Variants in EPHB2 observed in about 807,000 individuals in gnomAD.
The protein encoded by EPHB2 is EPH receptor B2, also known as ephrin type-B receptor 2.
Under a neutral mutation model 96.4 loss-of-function variants are expected in EPHB2, and 18 were observed. The observed-to-expected ratio is 0.19, with a 90% CI of 0.13 to 0.28. EPHB2 has a LOEUF of 0.28. EPHB2 is among the 10% of genes least tolerant of loss of function. The pLI, the probability that EPHB2 is intolerant of heterozygous loss-of-function variation, is 1.00. For synonymous variants in EPHB2, 506 were observed against 534.1 expected (o/e 0.95, Z 0.72); for missense variants, 989 against 1,355.4 (o/e 0.73, Z 4.25).
intron 1 of EPHB2, among the ~76,000 whole-genome samples, chr1:22,767,566 G>A (rs2817882): frequency 0.85 from 129,485 of 152,218 alleles, 55,119 homozygotes; most frequent in East Asian, 0.96. Flanking sequence ...CTGGGTGTCC[G>A]TTGCATGGGA....
rs1193957013 is a variant in EPHB2, at chr1:22,790,246, G to GC, written c.811+5171dup. Among the ~76,000 whole-genome samples, 23 of 152,276 alleles carry GC rather than the reference G, an allele frequency of 1.5e-4. No homozygotes were observed. Among genetic ancestry groups the GC allele is most frequent in the Admixed American group, 1.3e-3 (20 of 15,308 alleles). ...ATATTTGATGGGTAGAAAGGGCTTT[G>GC]CAGTGTATAGGGATTAGGACACAAT... On this transcript the variant is annotated intron_variant, in intron 3 of 15. Coordinates refer to ENST00000374630, the MANE Select transcript of EPHB2 (RefSeq NM_017449.5). The surrounding 1 kb of genome is among the most constrained non-coding windows in gnomAD (Gnocchi z 4.0).
At chr1:22,883,502 CG>C (rs1313755754) in intron 6 of EPHB2, among the ~76,000 whole-genome samples, 2 of 152,210 alleles carry the variant, frequency 1.3e-5, no homozygotes, top group African/African-American at 4.8e-5. Flanking sequence ...AAAGGCATCG[CG>C]GGGCTTCCAT....
rs374579735 is a variant in EPHB2 at position 22,760,270 on chromosome 1, A to T, written c.62-21151A>T. Among the ~76,000 whole-genome samples, 9 of 152,036 alleles carry T rather than the reference A, an allele frequency of 5.9e-5. No individual in the cohort carries two copies. In the South Asian group the frequency reaches 1.0e-3, roughly 18 times the overall value. On this transcript the variant is annotated intron_variant, in intron 1 of 15. Transcript: ENST00000374630. ...GCTCACAGAAAATGGGGCTGAGGGA[A>T]CCCCAAAAATGACCTTGTAGCCAGG...
At chr1:22,867,902 A>T (rs995021124) in intron 5 of EPHB2, among the ~76,000 whole-genome samples, 1 of 152,202 alleles carries the variant, frequency 6.6e-6, no homozygotes, top group Admixed American at 6.5e-5. Flanking sequence ...TCAACAAGTG[A>T]TAGAAAAGAC....
intron 3 of EPHB2, among the ~76,000 whole-genome samples, chr1:22,862,095 C>T (rs963402203): frequency 6.6e-6 from 1 of 152,236 alleles, no homozygotes; most frequent in Non-Finnish European, 1.5e-5. Flanking sequence ...CCCTCAGCCT[C>T]CTGATTCTCA....
rs1441290770 is a variant in EPHB2, at chr1:22,858,077, G to C, written c.812-4960G>C. 6.6e-6 allele frequency among the ~76,000 whole-genome samples: 1 copy of C among 152,200 alleles called. No homozygotes were observed. Among genetic ancestry groups the C allele is most frequent in the Non-Finnish European group, 1.5e-5 (1 of 68,038 alleles). ...GGTGGTCAGGGTGGGCCTCTCGGAG[G>C]AGGTGGCATTTAAGCTGGGGTCTGA... On this transcript the variant is annotated intron_variant, in intron 3 of 15. Coordinates refer to ENST00000374630, the MANE Select transcript of EPHB2 (RefSeq NM_017449.5). The surrounding 1 kb of genome is among the most constrained non-coding windows in gnomAD (Gnocchi z 7.7).
At chr1:22,880,276 C>T (rs529554062) in intron 5 of EPHB2, among the ~76,000 whole-genome samples, 9 of 152,340 alleles carry the variant, frequency 5.9e-5, no homozygotes, top group Admixed American at 3.3e-4. Context: ...AACCCCACAG[C>T]TGATGTTCAG....
intron 1 of EPHB2, among the ~76,000 whole-genome samples, chr1:22,736,791 C>T (rs1294520264): frequency 3.3e-5 from 5 of 152,158 alleles, no homozygotes; most frequent in Non-Finnish European, 5.9e-5. Flanking sequence ...GTGGGGCGGC[C>T]GCAGGGGGTC....
intron 5 of EPHB2, among the ~76,000 whole-genome samples, chr1:22,871,687 A>G (rs988872127): frequency 2.0e-5 from 3 of 152,188 alleles, no homozygotes; most frequent in Non-Finnish European, 4.4e-5. Flanking sequence ...AACTTAACAC[A>G]ATACACATTT....
intron 1 of EPHB2, among the ~76,000 whole-genome samples, chr1:22,738,908 T>G (rs756323068): frequency 6.6e-6 from 1 of 152,134 alleles, no homozygotes; most frequent in African/African-American, 2.4e-5. Context: ...CCCTGGGTCC[T>G]GTAGTCTAGC....
chr1:22,882,063 A>G (rs1056726752), intron 5 of EPHB2, among the ~76,000 whole-genome samples: 6 of 152,128 alleles, frequency 3.9e-5, no homozygotes, highest in Admixed American at 2.0e-4. Flanking sequence ...CATACAATTA[A>G]CCATTTCTAT....
rs777048986 is a variant in EPHB2 at position 22,912,505 on chromosome 1, G to A, written c.2758G>A (p.Glu920Lys). 1.5e-5 allele frequency: 25 copies of A among 1,614,010 alleles called. No homozygotes were observed. Among genetic ancestry groups the A allele is most frequent in the Admixed American group, 3.3e-5 (2 of 60,002 alleles). Reference sequence around the variant, plus strand: ...CTACACCAGCTTTAACACGGTGGACGAGTGGCTGGAGGCCATCAAGATGGG... The same window carrying A: ...CTACACCAGCTTTAACACGGTGGACAAGTGGCTGGAGGCCATCAAGATGGG... ...PDYTSFNTVDEWLEAIKMGQY... is the reference protein window; with the variant it reads ...PDYTSFNTVDKWLEAIKMGQY... Residue 920 changes from glutamate to lysine, a missense_variant, in exon 15 of 16, where the codon GAG becomes AAG. By Grantham distance (56) the Glu-to-Lys change is moderately conservative (BLOSUM62 1). Coordinates refer to ENST00000374630, the MANE Select transcript of EPHB2 (RefSeq NM_017449.5).
intron 5 of EPHB2, among the ~76,000 whole-genome samples, chr1:22,877,186 G>C (rs950304521): frequency 6.6e-6 from 1 of 152,242 alleles, no homozygotes; most frequent in Admixed American, 6.5e-5. Flanking sequence ...GGATGTGTTG[G>C]ACCTGGGTGA....
At chr1:22,907,042 AG>A in intron 11 of EPHB2, 85 bp downstream of exon 11, 2 of 1,486,342 alleles carry the variant, frequency 1.3e-6, no homozygotes, top group Admixed American at 5.0e-5. Flanking sequence ...CAGAGCCTGA[AG>A]GGGTCTTGGA....
rs1188327757 is a variant in EPHB2, at chr1:22,716,062, C to G, written c.61+5019C>G. Among the ~76,000 whole-genome samples, 10 of 152,220 alleles carry G rather than the reference C, an allele frequency of 6.6e-5. No homozygotes were observed. The South Asian group carries it at 1.4e-3, about 22-fold the overall frequency. On this transcript the variant is annotated intron_variant, in intron 1 of 15. Transcript: ENST00000374630. ...CTCCCCTAACCCACCCCACAAGCTC[C>G]CAACTTCCCCCAGACTCGGGATGGT...
chr1:22,716,450 G>A (rs925377339), intron 1 of EPHB2, among the ~76,000 whole-genome samples: 1 of 152,054 alleles, frequency 6.6e-6, no homozygotes, highest in East Asian at 1.9e-4. Flanking sequence ...TCCCACCTCA[G>A]CCTCCGGAGT....
Position 22,739,354 on chromosome 1 carries a change from C to G in EPHB2, c.61+28311C>G, listed in dbSNP as rs115808341. On this transcript the variant is annotated intron_variant, in intron 1 of 15. Transcript: ENST00000374630. ...CCTTAGACCCCCAAGTAATAGGGACCGCAGGCGCATGCCAGCACGCCTGGC... is the reference window on the plus strand; with the variant it reads ...CCTTAGACCCCCAAGTAATAGGGACGGCAGGCGCATGCCAGCACGCCTGGC... Among the ~76,000 whole-genome samples the G allele has an allele frequency of 5.3e-5, 8 of 152,162 alleles. No homozygotes were observed. In the South Asian group the frequency reaches 1.7e-3, roughly 32 times the overall value.
At chr1:22,734,357 C>T (rs963760437) in intron 1 of EPHB2, among the ~76,000 whole-genome samples, 15 of 151,980 alleles carry the variant, frequency 9.9e-5, no homozygotes, top group Non-Finnish European at 1.6e-4. Context: ...CCCCAGTCTT[C>T]ATGCAGAGAA....
In EPHB2 at chr1:22,864,917, T is replaced by C. The variant is rs1364694085; in HGVS notation, c.1008T>C (p.Asn336=). 2 of 1,605,956 alleles carry C rather than the reference T, an allele frequency of 1.2e-6. No individual in the cohort carries two copies. The highest frequency in any genetic ancestry group is 1.3e-5 in the African/African-American group (1 of 74,284). ...CCCAGGCTGTGATTTCCAGTGTCAA[T>C]GAGACCTCCCTCATGCTGGAGTGGA... is the stretch of plus-strand genomic sequence containing the variant. ...SAPQAVISSV[N]ETSLMLEWTP... The change falls in exon 5 of 16, where the codon AAT becomes AAC. Residue 336 remains asparagine (N), a synonymous_variant. Coordinates refer to ENST00000374630, the MANE Select transcript of EPHB2 (RefSeq NM_017449.5).
Sources: gnomAD v4.1 joint callset for allele counts (sites outside exome capture counted in the v4.1 genomes callset) on GRCh38, gnomAD v4.1.1 for gene constraint, Gnocchi (gnomAD v3.1) non-coding constraint, MANE v1.5 for transcripts, NCBI Gene and HGNC (gene_info 2026-07-23, HGNC 2026-07-21) for gene names.